CCDC91: variants seen among roughly 807,000 people sequenced by gnomAD.
CCDC91 encodes the protein coiled-coil domain-containing protein 91.
A neutral mutation model predicts 63.2 loss-of-function variants in CCDC91; 48 were observed. The ratio of observed to expected loss-of-function variants is 0.76; its 90% CI spans 0.60 to 0.97. CCDC91 has a LOEUF of 0.97. Among genes scored for constraint, CCDC91 ranks in the 50% least tolerant of loss-of-function variants. The probability of loss-of-function intolerance (pLI) is 0.00; values close to 1 mark genes in which losing one functional copy is unlikely to be tolerated. For synonymous variants in CCDC91, 167 were observed against 165.8 expected (o/e 1.01, Z -0.06); for missense variants, 500 against 494.6 (o/e 1.01, Z -0.10).
chr12:28,368,848 G>A (rs1944434420), intron 7 of CCDC91, among the ~76,000 whole-genome samples: 1 of 152,026 alleles, frequency 6.6e-6, no homozygotes, highest in African/African-American at 2.4e-5. Context: ...GAGAGAGAGA[G>A]AGAGAGATCA....
intron 1 of CCDC91, chr12:28,236,168 T>G (rs1455245948): frequency 6.6e-6 from 1 of 152,100 alleles, no homozygotes; most frequent in Non-Finnish European, 1.5e-5. Flanking sequence ...TGATATCAAA[T>G]GAACATAATT....
intron 12 of CCDC91, among the ~76,000 whole-genome samples, chr12:28,509,428 A>G (rs752528167): frequency 5.3e-4 from 81 of 151,996 alleles, no homozygotes; most frequent in Non-Finnish European, 1.1e-3. Flanking sequence ...GTGGAATTGC[A>G]TGTGTCATCA....
At chr12:28,513,801 C>G (rs1939637683) in intron 12 of CCDC91, among the ~76,000 whole-genome samples, 1 of 151,758 alleles carries the variant, frequency 6.6e-6, no homozygotes, top group African/African-American at 2.4e-5. Context: ...TCGTGTTCTT[C>G]TTATGTCTAC....
intron 6 of CCDC91, among the ~76,000 whole-genome samples, chr12:28,349,986 G>C (rs1943072480): frequency 6.6e-6 from 1 of 152,084 alleles, no homozygotes; most frequent in Non-Finnish European, 1.5e-5. Context: ...CAAATCCTGA[G>C]TATTTTGGGT....
intron 1 of CCDC91, among the ~76,000 whole-genome samples, chr12:28,248,770 T>G (rs1482037729): frequency 6.6e-6 from 1 of 152,132 alleles, no homozygotes; most frequent in Non-Finnish European, 1.5e-5. Flanking sequence ...AAGGTTTTGT[T>G]TTTGTTTTTG....
At chr12:28,307,164 T>G (rs1420918399) in intron 5 of CCDC91, among the ~76,000 whole-genome samples, 1 of 151,984 alleles carries the variant, frequency 6.6e-6, no homozygotes, top group Non-Finnish European at 1.5e-5. Context: ...ACTAGGTTTT[T>G]TCTAACTATT....
At chr12:28,477,164 A>C (rs937387410) in intron 11 of CCDC91, among the ~76,000 whole-genome samples, 1 of 152,126 alleles carries the variant, frequency 6.6e-6, no homozygotes, top group African/African-American at 2.4e-5. Context: ...CAGAGACACA[A>C]CAAAAAAAGG....
At chr12:28,257,947 T>A (rs1386799313) in intron 2 of CCDC91, among the ~76,000 whole-genome samples, 3 of 150,732 alleles carry the variant, frequency 2.0e-5, no homozygotes, top group East Asian at 1.9e-4. Context: ...TTTTTTTTTT[T>A]AAAGAATTTT....
intron 12 of CCDC91, among the ~76,000 whole-genome samples, chr12:28,531,492 C>T (rs1420821682): frequency 6.6e-6 from 1 of 151,990 alleles, no homozygotes; most frequent in Non-Finnish European, 1.5e-5. Flanking sequence ...GTGATGCAGA[C>T]CTCTTTTTCA....
At chr12:28,241,588 G>A (rs1314248003) in intron 1 of CCDC91, among the ~76,000 whole-genome samples, 2 of 152,114 alleles carry the variant, frequency 1.3e-5, no homozygotes, top group Non-Finnish European at 2.9e-5. Flanking sequence ...TGGGTTGTTT[G>A]TGGGGTTTAC....
intron 1 of CCDC91, among the ~76,000 whole-genome samples, chr12:28,217,639 G>A (rs1943649588): frequency 6.6e-6 from 1 of 152,030 alleles, no homozygotes; most frequent in Non-Finnish European, 1.5e-5. Context: ...AGGATTTCAT[G>A]GTAGGAATAG....
intron 1 of CCDC91, among the ~76,000 whole-genome samples, chr12:28,201,792 G>A (rs1335375210): frequency 1.4e-5 from 2 of 144,676 alleles, no homozygotes; most frequent in African/African-American, 2.5e-5. Context: ...CCAGGAGGCC[G>A]AGGCTGGCGG....
intron 6 of CCDC91, among the ~76,000 whole-genome samples, chr12:28,356,341 C>T (rs1197266630): frequency 1.3e-5 from 2 of 152,058 alleles, no homozygotes; most frequent in Admixed American, 6.5e-5. Flanking sequence ...TGTTTTTCTT[C>T]TGTATTGATG....
intron 1 of CCDC91, among the ~76,000 whole-genome samples, chr12:28,252,744 AT>A (rs2072628028): frequency 6.7e-6 from 1 of 148,892 alleles, no homozygotes; most frequent in Admixed American, 6.6e-5. Context: ...TTTGGTCTCT[AT>A]TTTTTTCTTC....
chr12:28,366,682 G>A lies in CCDC91; in HGVS notation c.654+4167G>A, dbSNP rs553731218. On this transcript the variant is annotated intron_variant, in intron 7 of 12. Coordinates refer to ENST00000536442, the MANE Select transcript of CCDC91 (RefSeq NM_018318.5). ...TCTGCCCTAAGCTGGCGTTGATGAGGTATTCCTCCCTTACTGTGTTGGGAA... is the reference window on the plus strand; with the variant it reads ...TCTGCCCTAAGCTGGCGTTGATGAGATATTCCTCCCTTACTGTGTTGGGAA... Among the ~76,000 whole-genome samples, 31 of 152,196 alleles carry A rather than the reference G, an allele frequency of 2.0e-4. No individual in the cohort carries two copies. In the South Asian group the frequency reaches 6.2e-3, roughly 31 times the overall value.
chr12:28,527,342 G>A (rs537696115), intron 12 of CCDC91, among the ~76,000 whole-genome samples: 45 of 152,250 alleles, frequency 3.0e-4, no homozygotes, highest in Admixed American at 2.5e-3. Context: ...GGGGGTTCCC[G>A]AGAGCTGAGC....
At chr12:28,225,957 T>G (rs1944246129) in intron 1 of CCDC91, 1 of 152,244 alleles carries the variant, frequency 6.6e-6, no homozygotes, top group Non-Finnish European at 1.5e-5. Context: ...GTCATCTTGC[T>G]TCCAGCCTGT....
intron 11 of CCDC91, among the ~76,000 whole-genome samples, chr12:28,458,079 G>A (rs777011106): frequency 6.6e-6 from 1 of 151,982 alleles, no homozygotes; most frequent in Non-Finnish European, 1.5e-5. Context: ...AAGAAATTTA[G>A]TACTGCCACC....
chr12:28,408,449 G>C (rs993705103), intron 8 of CCDC91, among the ~76,000 whole-genome samples: 2 of 151,960 alleles, frequency 1.3e-5, no homozygotes, highest in African/African-American at 4.8e-5. Context: ...AAACATACTT[G>C]TGCATGCGTC....
Sources: gnomAD v4.1 joint callset for allele counts (sites outside exome capture counted in the v4.1 genomes callset) on GRCh38, gnomAD v4.1.1 for gene constraint, MANE v1.5 for transcripts, NCBI Gene and HGNC (gene_info 2026-07-23, HGNC 2026-07-21) for gene names.